Variants in DIRAS2 observed in about 807,000 individuals in gnomAD.
The protein encoded by DIRAS2 is DIRAS family GTPase 2.
In DIRAS2, 5 loss-of-function variants were observed where a neutral mutation model predicts 13.9. That is an observed-to-expected ratio of 0.36 (90% CI 0.19 to 0.76). DIRAS2 has a LOEUF of 0.76. Among genes scored for constraint, DIRAS2 ranks in the 30% least tolerant of loss-of-function variants. The pLI is 0.53. For missense variants in DIRAS2, 191 were observed against 263.0 expected (o/e 0.73, Z 1.89); for synonymous variants, 111 against 105.4 (o/e 1.05, Z -0.33).
chr9:90,639,454 T>C (rs1194303487), intron 1 of DIRAS2, among the ~76,000 whole-genome samples: 3 of 152,144 alleles, frequency 2.0e-5, no homozygotes, highest in Admixed American at 2.0e-4. Context: ...TGTTCATTAG[T>C]TTTATAATGG....
intron 1 of DIRAS2, among the ~76,000 whole-genome samples, chr9:90,630,713 A>G (rs1247821244): frequency 6.6e-6 from 1 of 152,226 alleles, no homozygotes; most frequent in Non-Finnish European, 1.5e-5. Context: ...TTTTAAGTTT[A>G]TTGATGTTTT....
At chr9:90,633,508 TGG>T (rs1825345456) in intron 1 of DIRAS2, among the ~76,000 whole-genome samples, 1 of 152,116 alleles carries the variant, frequency 6.6e-6, no homozygotes. Flanking sequence ...GGTAGACAGG[TGG>T]ATACATGTCC....
chr9:90,623,150 C>G (rs1461080443), intron 1 of DIRAS2, among the ~76,000 whole-genome samples: 1 of 152,142 alleles, frequency 6.6e-6, no homozygotes, highest in African/African-American at 2.4e-5. Flanking sequence ...TATCTGAGCT[C>G]TCTGTGTCTC....
intron 1 of DIRAS2, among the ~76,000 whole-genome samples, chr9:90,619,187 C>A (rs1232677530): frequency 6.6e-6 from 1 of 152,058 alleles, no homozygotes; most frequent in Admixed American, 6.6e-5. Flanking sequence ...TGCCAGTAAT[C>A]CCAGCATATT....
intron 1 of DIRAS2, among the ~76,000 whole-genome samples, chr9:90,627,201 C>G (rs1825278043): frequency 6.6e-6 from 1 of 152,156 alleles, no homozygotes; most frequent in Non-Finnish European, 1.5e-5. Flanking sequence ...TGAGGCCTCC[C>G]CAGAAGCAGA....
At position 90,613,008 on chromosome 9, in the gene DIRAS2, T is replaced by C; in HGVS notation, c.*220A>G. ...TCAGTTCCCAGGGATGCTGAGTGTG[T>C]TGGTTTTCACTTGAACCGCCTGGCA... On this transcript the variant is annotated 3_prime_UTR_variant, in exon 2 of 2. Coordinates refer to ENST00000375765, the MANE Select transcript of DIRAS2 (RefSeq NM_017594.5). This position sits in a 1 kb window ranked among gnomAD's most constrained non-coding sequence, Gnocchi z 5.6. 2 of 597,862 alleles carry C rather than the reference T, an allele frequency of 3.3e-6. No homozygotes were observed. The highest frequency in any genetic ancestry group is 5.7e-6 in the Non-Finnish European group (2 of 351,032). The allele number at this position is 597,862 out of a possible 1,614,324, so 37.0% of individuals were successfully genotyped here.
chr9:90,612,787 C>G lies in DIRAS2; in HGVS notation c.*441G>C, dbSNP rs190896233. 2.6e-4 allele frequency: 48 copies of G among 182,828 alleles called. No homozygotes were observed. The East Asian group carries it at 4.3e-3, about 16-fold the overall frequency. 11.3% of individuals were successfully genotyped at this position (182,828 alleles called of 1,614,324 possible). A position where few individuals can be genotyped will look rare whatever the true frequency, so the allele number is the denominator to read the frequency against. ...CACTTTGGACCATCTGATCTTCTCA[C>G]CTCTTCCTGCCCCTCCCCTCCCCCA... On this transcript the variant is annotated 3_prime_UTR_variant, in exon 2 of 2. Transcript: ENST00000375765.
chr9:90,638,574 C>T (rs1013099107), intron 1 of DIRAS2, among the ~76,000 whole-genome samples: 11 of 152,094 alleles, frequency 7.2e-5, no homozygotes, highest in African/African-American at 2.4e-4. Flanking sequence ...CTTAGTCAAT[C>T]CCTTTTTAAG....
In DIRAS2 at chr9:90,610,298, C is replaced by A; in HGVS notation, c.*2930G>T. ...GCTTACAGATATGTACAATTTATGA[C>A]TTTATACTTCAAAAATGCAGGAAGA... On this transcript the variant is annotated 3_prime_UTR_variant, in exon 2 of 2. Transcript: ENST00000375765. 1 of 397,406 alleles carries A rather than the reference C, an allele frequency of 2.5e-6. No individual in the cohort carries two copies. The highest frequency in any genetic ancestry group is 4.4e-6 in the Non-Finnish European group (1 of 225,604). The allele number at this position is 397,406 out of a possible 1,614,324, so 24.6% of individuals were successfully genotyped here.
intron 1 of DIRAS2, among the ~76,000 whole-genome samples, chr9:90,638,220 T>G (rs1825387673): frequency 1.3e-5 from 2 of 152,136 alleles, no homozygotes; most frequent in African/African-American, 2.4e-5. Flanking sequence ...CTATTATGTA[T>G]GTGGAGGAAT....
chr9:90,622,766 G>A (rs1252302095), intron 1 of DIRAS2, among the ~76,000 whole-genome samples: 1 of 152,054 alleles, frequency 6.6e-6, no homozygotes, highest in Non-Finnish European at 1.5e-5. Flanking sequence ...CTCTTTGGAA[G>A]AGTTAGAGTT....
chr9:90,633,286 G>A (rs1825343396), intron 1 of DIRAS2, among the ~76,000 whole-genome samples: 1 of 152,214 alleles, frequency 6.6e-6, no homozygotes, highest in African/African-American at 2.4e-5. Context: ...CTAGTGATGG[G>A]TCGGTGGGAA....
At chr9:90,642,345 T>C (rs1474669240) in intron 1 of DIRAS2, among the ~76,000 whole-genome samples, 2 of 152,242 alleles carry the variant, frequency 1.3e-5, no homozygotes, top group East Asian at 3.8e-4. Flanking sequence ...GATGAAAGCA[T>C]GCCGAACCAA....
At chr9:90,632,085 C>T (rs373020335) in intron 1 of DIRAS2, among the ~76,000 whole-genome samples, 10 of 152,230 alleles carry the variant, frequency 6.6e-5, no homozygotes, top group African/African-American at 2.4e-4. Flanking sequence ...ATTATCATCA[C>T]TTACCTGCAT....
At chr9:90,639,359 A>T (rs563091713) in intron 1 of DIRAS2, among the ~76,000 whole-genome samples, 86 of 152,380 alleles carry the variant, frequency 5.6e-4, no homozygotes, top group South Asian at 1.7e-3. Context: ...AGAGACAAAC[A>T]TTGAAAATAC....
At chr9:90,622,280 A>T (rs928556694) in intron 1 of DIRAS2, among the ~76,000 whole-genome samples, 1 of 152,014 alleles carries the variant, frequency 6.6e-6, no homozygotes, top group African/African-American at 2.4e-5. Flanking sequence ...ATACATTCAT[A>T]CATACATACA....
At chr9:90,637,694 C>T (rs918045939) in intron 1 of DIRAS2, among the ~76,000 whole-genome samples, 7 of 152,138 alleles carry the variant, frequency 4.6e-5, no homozygotes, top group East Asian at 1.9e-4. Flanking sequence ...TCTTTGAAAC[C>T]GGTGTGTTCT....
chr9:90,641,119 GTCTCCTCC>G (rs1825415143), intron 1 of DIRAS2, among the ~76,000 whole-genome samples: 1 of 152,212 alleles, frequency 6.6e-6, no homozygotes, highest in South Asian at 2.1e-4. Context: ...TAAAAAAAAG[GTCTCCTCC>G]ACTCTTCTCA....
chr9:90,620,388 T>TAGA (rs1319843481), intron 1 of DIRAS2, among the ~76,000 whole-genome samples: 3 of 152,272 alleles, frequency 2.0e-5, no homozygotes, highest in Non-Finnish European at 4.4e-5. Context: ...ATATTCACAG[T>TAGA]AGAAGATGAA....
Sources: allele counts gnomAD v4.1 joint callset (sites outside exome capture counted in the v4.1 genomes callset), GRCh38; gene constraint gnomAD v4.1.1; non-coding constraint Gnocchi (gnomAD v3.1); transcripts MANE v1.5; gene names NCBI Gene and HGNC (gene_info 2026-07-23, HGNC 2026-07-21).